Variants in ADAM2 observed in about 807,000 individuals in gnomAD.
The protein encoded by ADAM2 is ADAM metallopeptidase domain 2, also known as disintegrin and metalloproteinase domain-containing protein 2.
Under a neutral mutation model 99.3 loss-of-function variants are expected in ADAM2, and 101 were observed. The ratio of observed to expected loss-of-function variants is 1.02; its 90% CI spans 0.87 to 1.20. ADAM2 has a LOEUF of 1.20. Ranked by LOEUF, ADAM2 falls within the 50% of genes most tolerant of loss-of-function variation. ADAM2 has a pLI of 0.00. For synonymous variants in ADAM2, 323 were observed against 287.6 expected (o/e 1.12, Z -1.25); for missense variants, 948 against 878.7 (o/e 1.08, Z -1.00).
rs1035323705 is a variant in ADAM2 at position 39,798,442 on chromosome 8, A to G, written c.571-9702T>C. ...GATGTGCTGTTAGATTTGGTTTGCCAGTATTTTATTGAGGATTTTTGCATT... is the reference window on the plus strand; with the variant it reads ...GATGTGCTGTTAGATTTGGTTTGCCGGTATTTTATTGAGGATTTTTGCATT... On this transcript the variant is annotated intron_variant, in intron 7 of 20. Coordinates refer to ENST00000265708, the MANE Select transcript of ADAM2 (RefSeq NM_001464.5). Among the ~76,000 whole-genome samples, 6 of 152,324 alleles carry G rather than the reference A, an allele frequency of 3.9e-5. No homozygotes were observed. The South Asian group carries it at 1.2e-3, about 32-fold the overall frequency.
At chr8:39,790,255 T>G (rs1803650340) in intron 7 of ADAM2, among the ~76,000 whole-genome samples, 2 of 151,972 alleles carry the variant, frequency 1.3e-5, no homozygotes, top group South Asian at 4.1e-4. Flanking sequence ...GTAATGTTAT[T>G]CATAATAGCT....
In ADAM2 at chr8:39,777,605, G is replaced by A. The variant is rs145521321; in HGVS notation, c.892-444C>T. 4.3e-3 allele frequency among the ~76,000 whole-genome samples: 660 copies of A among 152,046 alleles called. 4 individuals are homozygous for A. The highest frequency in any genetic ancestry group is 6.8e-3 in the Non-Finnish European group (464 of 67,944). ...AGAGAAACACAATTAAATAGAATAA[G>A]GTCTAGTATTTCTAGGACAATAGTG... On this transcript the variant is annotated intron_variant, in intron 10 of 20. Coordinates refer to ENST00000265708, the MANE Select transcript of ADAM2 (RefSeq NM_001464.5).
At chr8:39,803,181 C>G (rs1211563794) in intron 7 of ADAM2, among the ~76,000 whole-genome samples, 1 of 152,124 alleles carries the variant, frequency 6.6e-6, no homozygotes, top group Non-Finnish European at 1.5e-5. Context: ...GAGAGTGGCA[C>G]TAATGCCTTA....
chr8:39,743,876 G>A lies in ADAM2; in HGVS notation c.*219C>T, dbSNP rs1823339512. The A allele has an allele frequency of 6.6e-6, 1 of 151,962 alleles. No homozygotes were observed. The highest frequency in any genetic ancestry group is 2.1e-4 in the South Asian group (1 of 4,820). The allele number at this position is 151,962 out of a possible 1,614,324, so 9.4% of individuals were successfully genotyped here. ...GATAACTTTAAAAAAACAGAAATTT[G>A]TAATGTAAAACTCATTATCATGCAT... On this transcript the variant is annotated 3_prime_UTR_variant, in exon 21 of 21. Transcript: ENST00000265708.
chr8:39,790,684 T>A (rs961485039), intron 7 of ADAM2, among the ~76,000 whole-genome samples: 1 of 151,988 alleles, frequency 6.6e-6, no homozygotes, highest in Admixed American at 6.6e-5. Context: ...TTTAACATCA[T>A]AAAATATAAG....
At chr8:39,805,875 C>G (rs747986278) in intron 7 of ADAM2, among the ~76,000 whole-genome samples, 3 of 152,144 alleles carry the variant, frequency 2.0e-5, no homozygotes, top group Non-Finnish European at 4.4e-5. Context: ...GAAGATTAGC[C>G]AGAAACCTAG....
In ADAM2 at chr8:39,769,430, G is replaced by T; in HGVS notation, c.1174C>A (p.Leu392Met). 6.2e-7 allele frequency: 1 copy of T among 1,613,998 alleles called. No individual in the cohort carries two copies. The highest frequency in any genetic ancestry group is 8.5e-7 in the Non-Finnish European group (1 of 1,179,932). Residue 392 changes from leucine (L) to methionine (M), a missense_variant, in exon 12 of 21, where the codon CTG becomes ATG. Transcript: ENST00000265708. ...KQQAVCGNAK[L>M]EAGEECDCGT... Reference sequence around the variant, plus strand: ...CAGTCACACTCCTCTCCTGCTTCCAGCTTTGCATTACCACACACTGCTTGC... The same window carrying T: ...CAGTCACACTCCTCTCCTGCTTCCATCTTTGCATTACCACACACTGCTTGC...
chr8:39,754,568 G>C (rs768242589), intron 16 of ADAM2, among the ~76,000 whole-genome samples: 4 of 152,144 alleles, frequency 2.6e-5, no homozygotes, highest in Non-Finnish European at 5.9e-5. Context: ...AAGCAAATGT[G>C]TTGCACAATT....
In ADAM2 at chr8:39,826,733, C is replaced by A. The variant is rs535910640; in HGVS notation, c.189-1836G>T. 1.5e-3 allele frequency among the ~76,000 whole-genome samples: 231 copies of A among 150,418 alleles called. No individual in the cohort carries two copies. The Middle Eastern group carries it at 0.021, about 13-fold the overall frequency. On this transcript the variant is annotated intron_variant, in intron 3 of 20. Transcript: ENST00000265708. ...GCGAGAAAAAAAAAAAACAAAAAAA[C>A]CAAAAAAAACTCAAAATGGATTAAA...
At position 39,766,962 on chromosome 8, in the gene ADAM2, A is replaced by G. The variant is rs769505541; in HGVS notation, c.1393T>C (p.Cys465Arg). The change falls in exon 14 of 21, where the codon TGC becomes CGC. Residue 465 changes from cysteine to arginine, a missense_variant. Transcript: ENST00000265708. ...GTCTGAACATAGTGGTTTTCTGGGCATGATGCAGATGATCCATTGCAATAT... is the reference window on the plus strand; with the variant it reads ...GTCTGAACATAGTGGTTTTCTGGGCGTGATGCAGATGATCCATTGCAATAT... ...PEYCNGSSASCPENHYVQTGH... is the reference protein window; with the variant it reads ...PEYCNGSSASRPENHYVQTGH... The G allele has an allele frequency of 4.3e-6, 7 of 1,614,114 alleles. No individual in the cohort carries two copies. The African/African-American group carries it at 5.3e-5, about 12-fold the overall frequency.
chr8:39,764,175 G>T (rs965397423), intron 14 of ADAM2, among the ~76,000 whole-genome samples: 1 of 152,168 alleles, frequency 6.6e-6, no homozygotes, highest in Non-Finnish European at 1.5e-5. Context: ...GGATGCCAAG[G>T]CAGGAGGATT....
intron 6 of ADAM2, among the ~76,000 whole-genome samples, chr8:39,813,400 C>A (rs1416797187): frequency 6.6e-6 from 1 of 152,168 alleles, no homozygotes; most frequent in Non-Finnish European, 1.5e-5. Flanking sequence ...TACCATTTGA[C>A]CCAGCCATCC....
chr8:39,745,042 T>A (rs1199774048), intron 19 of ADAM2, 149 bp from the exon 20 acceptor site: 2 of 572,010 alleles, frequency 3.5e-6, no homozygotes, highest in Admixed American at 3.0e-5. Context: ...ACTGAGAACA[T>A]CTCTGCCCTG....
Position 39,766,951 on chromosome 8 carries a change from G to A in ADAM2, c.1404C>T (p.Asn468=), listed in dbSNP as rs746934637. ...ACGGATGCCCAGTCTGAACATAGTG[G>A]TTTTCTGGGCATGATGCAGATGATC... ...CNGSSASCPE[N]HYVQTGHPCG... is the part of the protein sequence containing the mutation. Residue 468 remains asparagine (N), a synonymous_variant, in exon 14 of 21, where the codon AAC becomes AAT. Transcript: ENST00000265708. The A allele has an allele frequency of 2.6e-5, 42 of 1,614,008 alleles. No homozygotes were observed. The South Asian group carries it at 4.6e-4, about 18-fold the overall frequency.
At chr8:39,755,038 T>A (rs1250834490) in intron 16 of ADAM2, among the ~76,000 whole-genome samples, 1 of 152,182 alleles carries the variant, frequency 6.6e-6, no homozygotes, top group Admixed American at 6.6e-5. Flanking sequence ...TTTTCTTTAT[T>A]CTGTGAGTTT....
intron 5 of ADAM2, 96 bp downstream of exon 5, chr8:39,821,490 C>T (rs1189000184): frequency 5.2e-6 from 5 of 957,022 alleles, no homozygotes; most frequent in Non-Finnish European, 1.6e-6. Context: ...AATAGTCATG[C>T]CACACTTTAG....
intron 18 of ADAM2, 61 bp downstream of exon 18, chr8:39,749,251 A>G (rs1823602685): frequency 1.4e-6 from 2 of 1,415,252 alleles, no homozygotes; most frequent in Non-Finnish European, 1.9e-6. Context: ...ATTATTTGTT[A>G]TCCAATTTAA....
Position 39,766,964 on chromosome 8 carries a change from G to A in ADAM2, c.1391C>T (p.Ser464Leu), listed in dbSNP as rs143851847. The change falls in exon 14 of 21, where the codon TCA becomes TTA. Residue 464 changes from serine (S) to leucine (L), a missense_variant. By Grantham distance (145) the Ser-to-Leu change is moderately radical (BLOSUM62 -2). Transcript: ENST00000265708. ...LPEYCNGSSA[S>L]CPENHYVQTG... ...CTGAACATAGTGGTTTTCTGGGCAT[G>A]ATGCAGATGATCCATTGCAATATTC... is the stretch of plus-strand genomic sequence containing the variant. 2 of 1,614,154 alleles carry A rather than the reference G, an allele frequency of 1.2e-6. No homozygotes were observed. The highest frequency in any genetic ancestry group is 1.7e-6 in the Non-Finnish European group (2 of 1,180,008).
At chr8:39,800,956 C>CTAT (rs1804182642) in intron 7 of ADAM2, among the ~76,000 whole-genome samples, 1 of 152,072 alleles carries the variant, frequency 6.6e-6, no homozygotes, top group South Asian at 2.1e-4. Flanking sequence ...AGCTTCTTTG[C>CTAT]ATTAGGTTAG....
Sources: gnomAD v4.1 joint callset for allele counts (sites outside exome capture counted in the v4.1 genomes callset) on GRCh38, gnomAD v4.1.1 for gene constraint, MANE v1.5 for transcripts, NCBI Gene and HGNC (gene_info 2026-07-23, HGNC 2026-07-21) for gene names.